ZMYND8: variants seen among roughly 807,000 people sequenced by gnomAD.
ZMYND8 encodes the protein MYND-type zinc finger-containing chromatin reader ZMYND8.
Under a neutral mutation model 140.8 loss-of-function variants are expected in ZMYND8, and 37 were observed. The ratio of observed to expected loss-of-function variants is 0.26; its 90% confidence interval spans 0.20 to 0.35. The LOEUF is 0.35. Ranked by LOEUF, ZMYND8 falls within the 10% of genes least tolerant of loss-of-function variation. The probability of loss-of-function intolerance (pLI) is 1.00; values close to 1 mark genes in which losing one functional copy is unlikely to be tolerated. For missense variants in ZMYND8, 1,068 were observed against 1,570.0 expected (o/e 0.68, Z 5.40); for synonymous variants, 592 against 597.1 (o/e 0.99, Z 0.12).
intron 8 of ZMYND8, among the ~76,000 whole-genome samples, chr20:47,285,230 C>G (rs980265641): frequency 6.6e-6 from 1 of 152,234 alleles, no homozygotes; most frequent in Non-Finnish European, 1.5e-5. Flanking sequence ...TTTGTTATTC[C>G]TTTCTACCAC....
chr20:47,320,829 C>CG (rs2079882947), intron 2 of ZMYND8: 1 of 152,168 alleles, frequency 6.6e-6, no homozygotes, highest in South Asian at 2.1e-4. Context: ...GAAGGATAGA[C>CG]GGGGTAGCCA....
chr20:47,220,214 T>C (rs1244549750), intron 21 of ZMYND8, 44 bp downstream of exon 21: 2 of 1,491,098 alleles, frequency 1.3e-6, no homozygotes, highest in Admixed American at 2.0e-5. Flanking sequence ...CATCTGCCCA[T>C]CTGAAATGTG....
intron 11 of ZMYND8, among the ~76,000 whole-genome samples, chr20:47,270,067 G>T (rs1346810635): frequency 6.6e-6 from 1 of 152,046 alleles, no homozygotes; most frequent in Non-Finnish European, 1.5e-5. Flanking sequence ...AACACAGCAA[G>T]ACATCATCTA....
intron 8 of ZMYND8, among the ~76,000 whole-genome samples, chr20:47,283,928 A>AT (rs879846562): frequency 0.025 from 3,468 of 139,914 alleles, 126 homozygotes; most frequent in African/African-American, 0.081. Flanking sequence ...CACAGCCACC[A>AT]TTTTTTTTTT....
chr20:47,322,023 G>A (rs1239188821), intron 2 of ZMYND8, among the ~76,000 whole-genome samples: 1 of 151,796 alleles, frequency 6.6e-6, no homozygotes, highest in African/African-American at 2.4e-5. Context: ...ACCATGCCTG[G>A]CTAATTTTTG....
chr20:47,231,838 C>T (rs781439283), intron 16 of ZMYND8, among the ~76,000 whole-genome samples: 1 of 152,240 alleles, frequency 6.6e-6, no homozygotes. Flanking sequence ...AAATTCAATA[C>T]ATTGCTAATG....
At chr20:47,339,646 T>G (rs1340471319) in intron 2 of ZMYND8, among the ~76,000 whole-genome samples, 1 of 151,694 alleles carries the variant, frequency 6.6e-6, no homozygotes, top group Non-Finnish European at 1.5e-5. Context: ...CTGGCTAATT[T>G]TTTGTATTTT....
chr20:47,249,580 A>G, intron 12 of ZMYND8, 141 bp from the exon 13 acceptor site: 2 of 1,178,244 alleles, frequency 1.7e-6, no homozygotes, highest in Middle Eastern at 2.6e-4. Flanking sequence ...TCATCCCAAC[A>G]ATATCATCTG....
chr20:47,243,046 A>C (rs1352314442), intron 14 of ZMYND8, among the ~76,000 whole-genome samples: 1 of 152,232 alleles, frequency 6.6e-6, no homozygotes, highest in Non-Finnish European at 1.5e-5. Flanking sequence ...AGAAGGATGG[A>C]AATTACTGAT....
chr20:47,315,725 A>C (rs1259386706), intron 2 of ZMYND8, among the ~76,000 whole-genome samples: 1 of 152,190 alleles, frequency 6.6e-6, no homozygotes, highest in African/African-American at 2.4e-5. Context: ...GAACAATGAC[A>C]AACAGCCACT....
At chr20:47,239,960 AG>A (rs1421482933) in intron 14 of ZMYND8, among the ~76,000 whole-genome samples, 1 of 152,212 alleles carries the variant, frequency 6.6e-6, no homozygotes, top group Non-Finnish European at 1.5e-5. Flanking sequence ...AATGAGGCCA[AG>A]CACGGTGGCT....
At chr20:47,217,300 G>C (rs2036270053) in intron 21 of ZMYND8, among the ~76,000 whole-genome samples, 2 of 152,172 alleles carry the variant, frequency 1.3e-5, no homozygotes, top group Non-Finnish European at 1.5e-5. Flanking sequence ...CAATTTTATA[G>C]GTGTCCACCT....
intron 14 of ZMYND8, among the ~76,000 whole-genome samples, chr20:47,241,673 C>G (rs1467780409): frequency 3.3e-5 from 5 of 152,024 alleles, no homozygotes; most frequent in African/African-American, 9.7e-5. Context: ...CAGGCCTCAG[C>G]CCCCGGTAAG....
At chr20:47,216,345 A>G (rs1600867800) in intron 21 of ZMYND8, among the ~76,000 whole-genome samples, 1 of 151,156 alleles carries the variant, frequency 6.6e-6, no homozygotes, top group South Asian at 2.1e-4. Context: ...AATACAAAAA[A>G]TTAGTTGGGC....
At position 47,294,669 on chromosome 20, in the gene ZMYND8, T is replaced by C. The variant is rs1407573270; in HGVS notation, c.564A>G (p.Pro188=). ...LKFAIQKMKQ[P]GTDAFQKPVP... ...CCAAGAGGAACTTTCTTCTTACCCC[T>C]GGCTGTTTCATTTTCTGAATGGCAA... is the stretch of plus-strand genomic sequence containing the variant. Residue 188 remains proline (P), a synonymous_variant, in exon 5 of 23, where the codon CCA becomes CCG. Coordinates refer to ENST00000471951, the MANE Select transcript of ZMYND8 (RefSeq NM_001281775.3). 2 of 1,613,920 alleles carry C rather than the reference T, an allele frequency of 1.2e-6. No homozygotes were observed. Among genetic ancestry groups the C allele is most frequent in the South Asian group, 1.1e-5 (1 of 91,078 alleles).
chr20:47,262,183 G>C (rs987971877), intron 12 of ZMYND8, 105 bp downstream of exon 12: 1 of 1,510,756 alleles, frequency 6.6e-7, no homozygotes, highest in Middle Eastern at 1.8e-4. Flanking sequence ...TTTTTGCATA[G>C]AGAAAAGAGT....
chr20:47,312,689 C>G (rs2079027588), intron 2 of ZMYND8, among the ~76,000 whole-genome samples: 1 of 151,632 alleles, frequency 6.6e-6, no homozygotes, highest in Admixed American at 6.6e-5. Flanking sequence ...ACTTGGGAGG[C>G]TGGGGCAGGA....
At chr20:47,275,838 A>G (rs533933129) in intron 11 of ZMYND8, among the ~76,000 whole-genome samples, 6 of 152,138 alleles carry the variant, frequency 3.9e-5, no homozygotes, top group Non-Finnish European at 7.4e-5. Flanking sequence ...GGAACTCCCA[A>G]GCTAAAGCAA....
chr20:47,291,633 G>A (rs2077270687), intron 6 of ZMYND8, among the ~76,000 whole-genome samples, 163 bp downstream of exon 6: 2 of 152,226 alleles, frequency 1.3e-5, no homozygotes, highest in Non-Finnish European at 2.9e-5. Flanking sequence ...AAAGACGTTA[G>A]AGAATCAAGA....
Sources: allele counts gnomAD v4.1 joint callset (sites outside exome capture counted in the v4.1 genomes callset), GRCh38; gene constraint gnomAD v4.1.1; transcripts MANE v1.5; gene names NCBI Gene and HGNC (gene_info 2026-07-23, HGNC 2026-07-21).